IL19: variants seen among roughly 807,000 people sequenced by gnomAD.
The protein encoded by IL19 is interleukin-19.
In IL19, 15 loss-of-function variants were observed where a neutral mutation model predicts 19.5. The observed-to-expected ratio is 0.77, with a 90% CI of 0.52 to 1.19. The LOEUF is 1.19. Ranked by LOEUF, IL19 falls within the 50% of genes most tolerant of loss-of-function variation. IL19 has a pLI of 0.00. For synonymous variants in IL19, 78 were observed against 78.3 expected (o/e 1.00, Z 0.02); for missense variants, 199 against 213.1 (o/e 0.93, Z 0.41).
intron 2 of IL19, among the ~76,000 whole-genome samples, chr1:206,800,841 C>G (rs1264195375): frequency 6.6e-6 from 1 of 152,170 alleles, no homozygotes; most frequent in East Asian, 1.9e-4. Flanking sequence ...GGTAAGTAGC[C>G]ACTGCCAATT....
intron 2 of IL19, among the ~76,000 whole-genome samples, chr1:206,822,742 C>T (rs561016538): frequency 2.9e-4 from 44 of 152,160 alleles, no homozygotes; most frequent in African/African-American, 9.2e-4. Context: ...TCTGTGGGGC[C>T]GGGAATATGC....
In IL19 at chr1:206,770,819, G is replaced by T. The variant is rs1218783800; in HGVS notation, c.-408G>T. 23 of 1,255,540 alleles carry T rather than the reference G, an allele frequency of 1.8e-5. No homozygotes were observed. The highest frequency in any genetic ancestry group is 1.8e-4 in the Middle Eastern group (1 of 5,418). The allele number at this position is 1,255,540 out of a possible 1,614,324, so 77.8% of individuals were successfully genotyped here. A position where few individuals can be genotyped will look rare whatever the true frequency, so the allele number is the denominator to read the frequency against. The stretch of plus-strand genomic sequence containing the variant: ...AGCTCTGCCAGTCTGTGTCTTTGCT[G>T]TGTCTGTGGATGTGAGTGTCCCTGC... On this transcript the variant is annotated 5_prime_UTR_variant, in exon 1 of 7. Coordinates refer to ENST00000659997, the MANE Select transcript of IL19 (RefSeq NM_153758.5).
chr1:206,776,806 T>C (rs1296660972), intron 1 of IL19, among the ~76,000 whole-genome samples: 2 of 148,778 alleles, frequency 1.3e-5, no homozygotes, highest in African/African-American at 5.0e-5. Flanking sequence ...GGGACAATGA[T>C]CGGGACATAA....
chr1:206,838,436 G>A (rs1247101647), intron 4 of IL19, among the ~76,000 whole-genome samples: 1 of 152,212 alleles, frequency 6.6e-6, no homozygotes, highest in Non-Finnish European at 1.5e-5. Context: ...CTTCTAAGCA[G>A]TGATTTATTT....
intron 2 of IL19, among the ~76,000 whole-genome samples, chr1:206,835,599 C>G (rs1676761997): frequency 6.6e-6 from 1 of 152,188 alleles, no homozygotes; most frequent in Non-Finnish European, 1.5e-5. Context: ...AGCTGGCTCC[C>G]TGTGTCTTAT....
chr1:206,798,749 AT>A, intron 1 of IL19, 111 bp from the exon 2 acceptor site: 2 of 595,310 alleles, frequency 3.4e-6, no homozygotes, highest in Non-Finnish European at 5.9e-6. Flanking sequence ...GCTGGGTTGA[AT>A]TTTTGTAAAG....
chr1:206,793,274 TA>T (rs1467337228), intron 1 of IL19, among the ~76,000 whole-genome samples: 4 of 152,116 alleles, frequency 2.6e-5, no homozygotes, highest in African/African-American at 7.2e-5. Context: ...ACTTTGGGGG[TA>T]ACAGTTTTAA....
chr1:206,778,897 G>T (rs561375201), intron 1 of IL19, among the ~76,000 whole-genome samples: 1 of 152,258 alleles, frequency 6.6e-6, no homozygotes, highest in South Asian at 2.1e-4. Context: ...CTACTGATTT[G>T]TCTCCATTTC....
chr1:206,826,712 T>C lies in IL19; in HGVS notation c.-2-9949T>C, dbSNP rs566416182. On this transcript the variant is annotated intron_variant, in intron 2 of 6. Transcript: ENST00000659997. ...TTAACAATAAGAGGAAAAAACCACA[T>C]CCGATTTCCACAGAATTAGAGTTCC... Among the ~76,000 whole-genome samples the C allele has an allele frequency of 3.9e-5, 6 of 152,284 alleles. No individual in the cohort carries two copies. In the East Asian group the frequency reaches 9.6e-4, roughly 24 times the overall value.
intron 2 of IL19, among the ~76,000 whole-genome samples, chr1:206,831,976 C>T (rs11119670): frequency 0.69 from 105,170 of 152,176 alleles, 37,152 homozygotes; most frequent in Non-Finnish European, 0.77. Flanking sequence ...GACAGTGTTG[C>T]AAATCCCCTT....
chr1:206,777,785 C>T (rs986366468), intron 1 of IL19, among the ~76,000 whole-genome samples: 5 of 152,210 alleles, frequency 3.3e-5, no homozygotes, highest in Admixed American at 6.5e-5. Flanking sequence ...AAGCTGATAA[C>T]GGGAGTTTCA....
intron 2 of IL19, among the ~76,000 whole-genome samples, chr1:206,826,511 G>A (rs776636383): frequency 1.3e-5 from 2 of 152,170 alleles, no homozygotes; most frequent in Admixed American, 6.5e-5. Context: ...TACCGCTTTA[G>A]TATTTCAGAT....
intron 1 of IL19, among the ~76,000 whole-genome samples, chr1:206,787,460 A>G (rs1675293725): frequency 6.6e-6 from 1 of 152,204 alleles, no homozygotes; most frequent in African/African-American, 2.4e-5. Flanking sequence ...CCAGAGATAG[A>G]GAGGAGATGC....
chr1:206,783,546 G>C (rs997457558), intron 1 of IL19, among the ~76,000 whole-genome samples: 3 of 152,290 alleles, frequency 2.0e-5, no homozygotes, highest in African/African-American at 7.2e-5. Context: ...CTGGTTTCAC[G>C]AAAGCGGCTA....
intron 2 of IL19, among the ~76,000 whole-genome samples, chr1:206,813,645 T>A (rs1676073323): frequency 6.6e-6 from 1 of 152,266 alleles, no homozygotes; most frequent in Non-Finnish European, 1.5e-5. Flanking sequence ...GCCTCTTGGC[T>A]CTCAGCAGTT....
chr1:206,818,453 T>C (rs1676217082), intron 2 of IL19, among the ~76,000 whole-genome samples: 2 of 152,228 alleles, frequency 1.3e-5, no homozygotes, highest in South Asian at 4.1e-4. Flanking sequence ...CTACATACTG[T>C]ATGATTCTAT....
At chr1:206,797,895 A>G (rs368395310) in intron 1 of IL19, among the ~76,000 whole-genome samples, 1 of 152,154 alleles carries the variant, frequency 6.6e-6, no homozygotes, top group South Asian at 2.1e-4. Context: ...TAAGATAAAA[A>G]CCTTAGATGT....
chr1:206,795,738 C>A (rs1345123757), intron 1 of IL19, among the ~76,000 whole-genome samples: 2 of 152,108 alleles, frequency 1.3e-5, no homozygotes, highest in East Asian at 3.8e-4. Context: ...TCAGAGCCTG[C>A]CCTCAAGTTA....
At chr1:206,804,866 G>A (rs1014930038) in intron 2 of IL19, among the ~76,000 whole-genome samples, 1 of 152,220 alleles carries the variant, frequency 6.6e-6, no homozygotes, top group Non-Finnish European at 1.5e-5. Context: ...AGGATAGAAT[G>A]GGTGCTAACT....
Sources: gnomAD v4.1 joint callset for allele counts (sites outside exome capture counted in the v4.1 genomes callset) on GRCh38, gnomAD v4.1.1 for gene constraint, MANE v1.5 for transcripts, NCBI Gene and HGNC (gene_info 2026-07-23, HGNC 2026-07-21) for gene names.